FAM117B: variants seen among roughly 807,000 people sequenced by gnomAD.
FAM117B encodes the protein family with sequence similarity 117 member B.
In FAM117B, 22 loss-of-function variants were observed where a neutral mutation model predicts 52.8. That is an observed-to-expected ratio of 0.42 (90% CI 0.30 to 0.59). The LOEUF (loss-of-function observed/expected upper bound fraction) is 0.59. Ranked by LOEUF, FAM117B falls within the 20% of genes least tolerant of loss-of-function variation. The pLI, the probability that FAM117B is intolerant of heterozygous loss-of-function variation, is 0.22. For missense variants in FAM117B, 678 were observed against 802.6 expected (o/e 0.84, Z 1.88); for synonymous variants, 309 against 324.1 (o/e 0.95, Z 0.50).
In FAM117B at chr2:202,767,106, A is replaced by G. The variant is rs1276842096; in HGVS notation, c.*1342A>G. On this transcript the variant is annotated 3_prime_UTR_variant, in exon 8 of 8. Coordinates refer to ENST00000392238, the MANE Select transcript of FAM117B (RefSeq NM_173511.4). ...TAATATAAATCACTGCCAGTATCAC[A>G]TGACATCAGTATGTGATTTCTGGGT... is the stretch of plus-strand genomic sequence containing the variant. 6.6e-6 allele frequency: 1 copy of G among 152,052 alleles called. No individual in the cohort carries two copies. 9.4% of individuals were successfully genotyped at this position (152,052 alleles called of 1,614,324 possible).
chr2:202,721,665 G>A (rs1053657593), intron 2 of FAM117B, among the ~76,000 whole-genome samples: 1 of 151,752 alleles, frequency 6.6e-6, no homozygotes, highest in African/African-American at 2.4e-5. Flanking sequence ...ACAGGGTCTC[G>A]CTCTGACATC....
chr2:202,652,844 G>A (rs1689977139), intron 1 of FAM117B, among the ~76,000 whole-genome samples: 1 of 152,158 alleles, frequency 6.6e-6, no homozygotes, highest in Admixed American at 6.5e-5. Context: ...ATTCTCTCTA[G>A]CAGTTAAACT....
At position 202,759,268 on chromosome 2, in the gene FAM117B, A is replaced by G; in HGVS notation, c.1366A>G (p.Thr456Ala). The G allele has an allele frequency of 1.9e-6, 3 of 1,614,100 alleles. No homozygotes were observed. Among genetic ancestry groups the G allele is most frequent in the East Asian group, 2.2e-5 (1 of 44,882 alleles). Residue 456 changes from threonine to alanine, a missense_variant, in exon 7 of 8, where the codon ACC (threonine) becomes GCC (alanine). Thr to Ala is a moderately conservative substitution (Grantham distance 58). Transcript: ENST00000392238. ...GNNSPLPKYA[T>A]SPKPNNSYMF... ...CAATTCTCCTTTGCCCAAATATGCA[A>G]CCTCACCAAAACCTAACAACAGTTA...
intron 2 of FAM117B, among the ~76,000 whole-genome samples, chr2:202,710,445 G>C (rs1690939775): frequency 6.6e-6 from 1 of 151,300 alleles, no homozygotes; most frequent in South Asian, 2.1e-4. Context: ...TATATTTATG[G>C]GGTAGCTGAG....
chr2:202,678,895 A>G (rs1044640223), intron 1 of FAM117B, among the ~76,000 whole-genome samples: 1 of 152,178 alleles, frequency 6.6e-6, no homozygotes, highest in African/African-American at 2.4e-5. Flanking sequence ...GCATTTGCAT[A>G]TCAAAATTTG....
At position 202,648,275 on chromosome 2, in the gene FAM117B, C is replaced by A. The variant is rs553737866; in HGVS notation, c.601+12487C>A. On this transcript the variant is annotated intron_variant, in intron 1 of 7. Coordinates refer to ENST00000392238, the MANE Select transcript of FAM117B (RefSeq NM_173511.4). ...CTTTAATCCTAGCACTTTGGGAGGC[C>A]GAGATGTGTAGATTGCCTGAGCTCA... Among the ~76,000 whole-genome samples the A allele has an allele frequency of 1.2e-4, 18 of 152,090 alleles. No homozygotes were observed. The Middle Eastern group carries it at 0.01, about 86-fold the overall frequency.
chr2:202,654,726 T>G (rs1048184237), intron 1 of FAM117B, among the ~76,000 whole-genome samples: 4 of 151,840 alleles, frequency 2.6e-5, no homozygotes, highest in African/African-American at 4.8e-5. Context: ...TTTAAAAAGA[T>G]TTGAAATGTG....
intron 2 of FAM117B, 53 bp from the exon 3 acceptor site, chr2:202,724,864 A>G (rs1300076570): frequency 6.9e-6 from 9 of 1,305,328 alleles, no homozygotes; most frequent in Non-Finnish European, 9.7e-6. Flanking sequence ...TATGGTAGAC[A>G]TTGTTGTGAA....
At chr2:202,714,552 T>A (rs1187670290) in intron 2 of FAM117B, among the ~76,000 whole-genome samples, 11 of 140,378 alleles carry the variant, frequency 7.8e-5, no homozygotes, top group Admixed American at 3.6e-4. Context: ...TTTTTTTTTA[T>A]TGATCATTCT....
intron 2 of FAM117B, among the ~76,000 whole-genome samples, chr2:202,710,521 A>G (rs1559107196): frequency 6.6e-6 from 1 of 152,116 alleles, no homozygotes; most frequent in African/African-American, 2.4e-5. Flanking sequence ...AGTAAATGAG[A>G]TATCTATCAC....
intron 2 of FAM117B, among the ~76,000 whole-genome samples, chr2:202,722,193 G>A (rs1244779590): frequency 6.6e-6 from 1 of 151,392 alleles, no homozygotes; most frequent in Non-Finnish European, 1.5e-5. Context: ...TGTACTTTTT[G>A]TAGAGACGGG....
At chr2:202,757,666 A>G (rs1691824956) in intron 6 of FAM117B, among the ~76,000 whole-genome samples, 1 of 152,188 alleles carries the variant, frequency 6.6e-6, no homozygotes, top group Non-Finnish European at 1.5e-5. Flanking sequence ...CTTTTTTTGC[A>G]CTTGTTAATA....
intron 2 of FAM117B, among the ~76,000 whole-genome samples, chr2:202,711,666 T>G (rs1013783313): frequency 1.3e-5 from 2 of 152,204 alleles, no homozygotes; most frequent in Non-Finnish European, 2.9e-5. Context: ...TGTAGTAGTT[T>G]CATAGTTTGA....
At position 202,673,762 on chromosome 2, in the gene FAM117B, T is replaced by C. The variant is rs534679740; in HGVS notation, c.602-22119T>C. 3.3e-5 allele frequency among the ~76,000 whole-genome samples: 5 copies of C among 152,252 alleles called. No individual in the cohort carries two copies. The South Asian group carries it at 6.2e-4, about 19-fold the overall frequency. On this transcript the variant is annotated intron_variant, in intron 1 of 7. Coordinates refer to ENST00000392238, the MANE Select transcript of FAM117B (RefSeq NM_173511.4). ...TGTGCCCGGCCTACCCTATTTCTTATGGATTTTACTTTATTTCTTTATCTC... is the reference window on the plus strand; with the variant it reads ...TGTGCCCGGCCTACCCTATTTCTTACGGATTTTACTTTATTTCTTTATCTC...
At chr2:202,735,664 T>G (rs1691426595) in intron 4 of FAM117B, among the ~76,000 whole-genome samples, 1 of 152,216 alleles carries the variant, frequency 6.6e-6, no homozygotes. Flanking sequence ...ATTTCAGAAT[T>G]ATTTGATTGA....
At chr2:202,664,959 G>A (rs1690180711) in intron 1 of FAM117B, among the ~76,000 whole-genome samples, 1 of 152,100 alleles carries the variant, frequency 6.6e-6, no homozygotes, top group Admixed American at 6.6e-5. Flanking sequence ...TCTGCTCAGG[G>A]TCTCAAAAGC....
chr2:202,638,920 A>ACTC (rs1689725942), intron 1 of FAM117B, among the ~76,000 whole-genome samples: 1 of 152,238 alleles, frequency 6.6e-6, no homozygotes, highest in African/African-American at 2.4e-5. Context: ...ACTCTAGTAA[A>ACTC]TATCCATGCA....
At chr2:202,709,874 A>T (rs139529432) in intron 2 of FAM117B, among the ~76,000 whole-genome samples, 81 of 152,270 alleles carry the variant, frequency 5.3e-4, no homozygotes, top group African/African-American at 1.9e-3. Flanking sequence ...CAGTTTCCCC[A>T]GCACCATTTG....
chr2:202,757,166 TCGA>T, intron 5 of FAM117B, 44 bp from the exon 6 acceptor site: 1 of 1,558,082 alleles, frequency 6.4e-7, no homozygotes, highest in Non-Finnish European at 8.7e-7. Context: ...TGCTGGTGAT[TCGA>T]AATTAATTAT....
Sources: allele counts gnomAD v4.1 joint callset (sites outside exome capture counted in the v4.1 genomes callset), GRCh38; gene constraint gnomAD v4.1.1; transcripts MANE v1.5; gene names NCBI Gene and HGNC (gene_info 2026-07-23, HGNC 2026-07-21).